TNFSF8: variants seen among roughly 807,000 people sequenced by gnomAD.
TNFSF8 encodes the protein TNF superfamily member 8.
Under a neutral mutation model 22.0 loss-of-function variants are expected in TNFSF8, and 4 were observed. The ratio of observed to expected loss-of-function variants is 0.18; its 90% confidence interval spans 0.09 to 0.42. The LOEUF is 0.42. Among genes scored for constraint, TNFSF8 ranks in the 10% least tolerant of loss-of-function variants. TNFSF8 has a pLI of 1.00. For synonymous variants in TNFSF8, 106 were observed against 112.5 expected (o/e 0.94, Z 0.37); for missense variants, 233 against 281.8 (o/e 0.83, Z 1.24).
intron 1 of TNFSF8, among the ~76,000 whole-genome samples, chr9:114,919,657 G>A (rs985453548): frequency 6.6e-6 from 1 of 152,176 alleles, no homozygotes; most frequent in Non-Finnish European, 1.5e-5. Context: ...AGGTGTGAGC[G>A]TGTGTATGCG....
Position 114,930,362 on chromosome 9 carries a change from G to T in TNFSF8, c.-59C>A. Reference sequence around the variant, plus strand: ...CTCTCTTCATCTGATTCAGTTCTGGGCCCATCTCTGTTCCAAGAAGGATTC... The same window carrying T: ...CTCTCTTCATCTGATTCAGTTCTGGTCCCATCTCTGTTCCAAGAAGGATTC... On this transcript the variant is annotated 5_prime_UTR_variant, in exon 1 of 4. Transcript: ENST00000223795. 1.5e-6 allele frequency: 2 copies of T among 1,304,688 alleles called. No individual in the cohort carries two copies. Among genetic ancestry groups the T allele is most frequent in the Admixed American group, 3.0e-5 (1 of 33,784 alleles). 80.8% of individuals were successfully genotyped at this position (1,304,688 alleles called of 1,614,324 possible).
chr9:114,911,008 G>A lies in TNFSF8; in HGVS notation c.239-5109C>T, dbSNP rs376917453. Among the ~76,000 whole-genome samples, 73 of 152,294 alleles carry A rather than the reference G, an allele frequency of 4.8e-4. No homozygotes were observed. In the South Asian group the frequency reaches 0.011, roughly 23 times the overall value. ...GATGTCATGAAGATGCAATGAGACC[G>A]TGGATGTCAAGTGATCAGTGTGGCC... On this transcript the variant is annotated intron_variant, in intron 2 of 3. Coordinates refer to ENST00000223795, the MANE Select transcript of TNFSF8 (RefSeq NM_001244.4).
At chr9:114,923,152 C>A (rs898800461) in intron 1 of TNFSF8, among the ~76,000 whole-genome samples, 1 of 152,024 alleles carries the variant, frequency 6.6e-6, no homozygotes, top group African/African-American at 2.4e-5. Flanking sequence ...TCTGTACAAT[C>A]TGGACTGACT....
At chr9:114,928,967 T>G (rs1254475617) in intron 1 of TNFSF8, among the ~76,000 whole-genome samples, 1 of 152,284 alleles carries the variant, frequency 6.6e-6, no homozygotes, top group Non-Finnish European at 1.5e-5. Flanking sequence ...TTCAGCAGGA[T>G]TATAATACCA....
intron 3 of TNFSF8, among the ~76,000 whole-genome samples, chr9:114,905,050 T>C (rs1242678360): frequency 6.6e-6 from 1 of 152,176 alleles, no homozygotes; most frequent in Non-Finnish European, 1.5e-5. Context: ...CAAGTTTGTG[T>C]TGGAAGGTGA....
chr9:114,926,514 C>G (rs1243528782), intron 1 of TNFSF8, among the ~76,000 whole-genome samples: 1 of 152,128 alleles, frequency 6.6e-6, no homozygotes, highest in Non-Finnish European at 1.5e-5. Flanking sequence ...GCACAGAGGG[C>G]ACAAATTCTA....
chr9:114,919,285 T>A (rs1827959412), intron 1 of TNFSF8, among the ~76,000 whole-genome samples: 1 of 152,068 alleles, frequency 6.6e-6, no homozygotes, highest in Non-Finnish European at 1.5e-5. Flanking sequence ...ACATAGTATA[T>A]TATTTATTCT....
intron 2 of TNFSF8, among the ~76,000 whole-genome samples, chr9:114,913,246 G>C (rs1055522447): frequency 2.0e-5 from 3 of 152,148 alleles, no homozygotes; most frequent in Non-Finnish European, 2.9e-5. Flanking sequence ...AACTTCCTTA[G>C]GGCCTCCAGG....
chr9:114,919,032 T>C (rs1231327819), intron 1 of TNFSF8, among the ~76,000 whole-genome samples: 1 of 151,826 alleles, frequency 6.6e-6, no homozygotes, highest in African/African-American at 2.4e-5. Flanking sequence ...TTTTTTTTTT[T>C]CCATGTTTGA....
chr9:114,905,774 A>G lies in TNFSF8; in HGVS notation c.310+54T>C, dbSNP rs550472489. 35 of 1,410,058 alleles carry G rather than the reference A, an allele frequency of 2.5e-5. No individual in the cohort carries two copies. In the African/African-American group the frequency reaches 4.5e-4, roughly 18 times the overall value. 87.3% of individuals were successfully genotyped at this position (1,410,058 alleles called of 1,614,324 possible). A position where few individuals can be genotyped will look rare whatever the true frequency, so the allele number is the denominator to read the frequency against. On this transcript the variant is annotated intron_variant, in intron 3 of 3. Transcript: ENST00000223795. ...TGACTTCTGGCTTAAAAGTTGCTGA[A>G]AAGCCACAGAAGCGGTTTTCATATG...
At chr9:114,893,653 A>T (rs540279151) in exon 5 of TNFSF8, 1 of 166,236 alleles carries the variant, frequency 6.0e-6, no homozygotes, top group Non-Finnish European at 1.3e-5. Flanking sequence ...AAGTGATTGT[A>T]GATAAGAATG....
At position 114,901,544 on chromosome 9, in the gene TNFSF8, A is replaced by T; in HGVS notation, c.*2387T>A. 5.1e-6 allele frequency: 5 copies of T among 985,280 alleles called. No homozygotes were observed. Among genetic ancestry groups the T allele is most frequent in the Non-Finnish European group, 6.0e-6 (5 of 829,772 alleles). The allele number at this position is 985,280 out of a possible 1,614,324, so 61.0% of individuals were successfully genotyped here. A position where few individuals can be genotyped will look rare whatever the true frequency, so the allele number is the denominator to read the frequency against. On this transcript the variant is annotated 3_prime_UTR_variant, in exon 4 of 4. Transcript: ENST00000223795. Reference sequence around the variant, plus strand: ...GGCAAAAAAATTGCTTAGTTAACACACAGTTGGGTTGCATATACCTTTTCA... The same window carrying T: ...GGCAAAAAAATTGCTTAGTTAACACTCAGTTGGGTTGCATATACCTTTTCA...
intron 1 of TNFSF8, among the ~76,000 whole-genome samples, chr9:114,929,140 T>G (rs1828103153): frequency 6.6e-6 from 1 of 152,174 alleles, no homozygotes; most frequent in African/African-American, 2.4e-5. Flanking sequence ...TACTGGTAGA[T>G]TCTCTGTAAA....
Position 114,901,715 on chromosome 9 carries a change from C to G in TNFSF8, c.*2216G>C. 1.0e-6 allele frequency: 1 copy of G among 985,402 alleles called. No homozygotes were observed. Among genetic ancestry groups the G allele is most frequent in the Non-Finnish European group, 1.2e-6 (1 of 829,936 alleles). The allele number at this position is 985,402 out of a possible 1,614,324, so 61.0% of individuals were successfully genotyped here. A position where few individuals can be genotyped will look rare whatever the true frequency, so the allele number is the denominator to read the frequency against. ...CACAGACCATTTGGCTTGCTGAATT[C>G]AACACCTCTTCCAATGCCTGCTTCT... is the stretch of plus-strand genomic sequence containing the variant. On this transcript the variant is annotated 3_prime_UTR_variant, in exon 4 of 4. Coordinates refer to ENST00000223795, the MANE Select transcript of TNFSF8 (RefSeq NM_001244.4).
At chr9:114,906,327 G>A (rs1353310746) in intron 2 of TNFSF8, among the ~76,000 whole-genome samples, 1 of 152,218 alleles carries the variant, frequency 6.6e-6, no homozygotes, top group African/African-American at 2.4e-5. Flanking sequence ...GCCTTGCCAG[G>A]CAGTGGTAGT....
downstream of TNFSF8, among the ~76,000 whole-genome samples, chr9:114,898,254 G>A (rs375319966): frequency 2.2e-4 from 34 of 152,136 alleles, no homozygotes; most frequent in Admixed American, 5.9e-4. Flanking sequence ...CGCCCGCCTC[G>A]ACCTCCCAAA....
intron 1 of TNFSF8, among the ~76,000 whole-genome samples, chr9:114,929,874 CATATATAT>C (rs10535780): frequency 1.4e-5 from 2 of 145,120 alleles, no homozygotes; most frequent in African/African-American, 5.0e-5. Context: ...CTCCCTTTCT[CATATATAT>C]ATATATATAT....
At chr9:114,924,229 A>C (rs1828029250) in intron 1 of TNFSF8, among the ~76,000 whole-genome samples, 1 of 152,220 alleles carries the variant, frequency 6.6e-6, no homozygotes, top group South Asian at 2.1e-4. Flanking sequence ...GTGAGCCCTG[A>C]GATTTTGAAT....
intron 1 of TNFSF8, among the ~76,000 whole-genome samples, chr9:114,928,990 A>G (rs1006026): frequency 0.54 from 82,439 of 152,158 alleles, 24,512 homozygotes; most frequent in African/African-American, 0.8. Flanking sequence ...AAAAGTAGGC[A>G]CTATGAAGTA....
Sources: allele counts gnomAD v4.1 joint callset (sites outside exome capture counted in the v4.1 genomes callset), GRCh38; gene constraint gnomAD v4.1.1; transcripts MANE v1.5; gene names NCBI Gene and HGNC (gene_info 2026-07-23, HGNC 2026-07-21).